The following GOPC variants were observed in gnomAD, a reference collection of about 807,000 sequenced individuals.
The protein encoded by GOPC is Golgi-associated PDZ and coiled-coil motif-containing protein.
In GOPC, 32 loss-of-function variants were observed where a neutral mutation model predicts 51.2. The ratio of observed to expected loss-of-function variants is 0.63; its 90% CI spans 0.47 to 0.84. GOPC has a LOEUF of 0.84. GOPC is among the 40% of genes least tolerant of loss of function. The probability of loss-of-function intolerance (pLI) is 0.00; values close to 1 mark genes in which losing one functional copy is unlikely to be tolerated. For synonymous variants in GOPC, 190 were observed against 205.1 expected (o/e 0.93, Z 0.63); for missense variants, 441 against 555.5 (o/e 0.79, Z 2.07).
intron 4 of GOPC, among the ~76,000 whole-genome samples, chr6:117,574,536 G>C (rs187347814): frequency 2.1e-3 from 314 of 152,268 alleles, no homozygotes; most frequent in Non-Finnish European, 3.5e-3. Context: ...CCTTATGGAA[G>C]TTCTGCTATG....
chr6:117,591,681 T>G (rs1210668616), intron 1 of GOPC, among the ~76,000 whole-genome samples: 1 of 152,058 alleles, frequency 6.6e-6, no homozygotes, highest in Non-Finnish European at 1.5e-5. Context: ...CAAGGCCTAT[T>G]TACAGAACTG....
chr6:117,566,054 T>C (rs1779690444), intron 8 of GOPC, among the ~76,000 whole-genome samples: 1 of 152,204 alleles, frequency 6.6e-6, no homozygotes, highest in Admixed American at 6.5e-5. Flanking sequence ...GCAAAATTGG[T>C]ATCTTCTTCT....
Position 117,573,122 on chromosome 6 carries a change from A to G in GOPC, c.816+345T>C, listed in dbSNP as rs184035901. On this transcript the variant is annotated intron_variant, in intron 5 of 8. Transcript: ENST00000368498. Reference sequence around the variant, plus strand: ...AAGAACTACCCCAAAATATCTGCCAAATTATCAATATGACCACACACTCTA... The same window carrying G: ...AAGAACTACCCCAAAATATCTGCCAGATTATCAATATGACCACACACTCTA... 4.7e-4 allele frequency among the ~76,000 whole-genome samples: 72 copies of G among 152,328 alleles called. 1 individual carries two copies. Among genetic ancestry groups the G allele is most frequent in the Non-Finnish European group, 9.4e-4 (64 of 68,030 alleles).
chr6:117,598,633 T>C (rs924251420), intron 1 of GOPC, among the ~76,000 whole-genome samples: 19 of 152,156 alleles, frequency 1.2e-4, no homozygotes, highest in African/African-American at 4.1e-4. Flanking sequence ...GGAACAGGAT[T>C]TGTGCTACTA....
chr6:117,579,535 AAAGTT>A, intron 1 of GOPC, among the ~76,000 whole-genome samples: 1 of 151,762 alleles, frequency 6.6e-6, no homozygotes, highest in East Asian at 2.0e-4. Context: ...ATTATCTAGT[AAAGTT>A]ATTTTAGGTG....
chr6:117,589,381 G>A (rs1780080998), intron 1 of GOPC, among the ~76,000 whole-genome samples: 1 of 152,220 alleles, frequency 6.6e-6, no homozygotes, highest in African/African-American at 2.4e-5. Context: ...GTGCAATGGT[G>A]CAATCTCGGC....
chr6:117,597,887 G>T (rs1213084529), intron 1 of GOPC, among the ~76,000 whole-genome samples: 1 of 148,960 alleles, frequency 6.7e-6, no homozygotes, highest in African/African-American at 2.5e-5. Flanking sequence ...TTCCACAACA[G>T]ATGAAAAGAT....
At chr6:117,568,815 T>C (rs556612693) in intron 7 of GOPC, among the ~76,000 whole-genome samples, 14 of 152,208 alleles carry the variant, frequency 9.2e-5, no homozygotes, top group Non-Finnish European at 1.9e-4. Flanking sequence ...GAAGTAGTGA[T>C]GTTGCAAAGA....
At chr6:117,595,369 TTGTG>T (rs972535148) in intron 1 of GOPC, among the ~76,000 whole-genome samples, 1 of 152,094 alleles carries the variant, frequency 6.6e-6, no homozygotes, top group Non-Finnish European at 1.5e-5. Context: ...AGGAACTCAG[TTGTG>T]TTTTGTTTTG....
Position 117,586,581 on chromosome 6 carries a change from C to G in GOPC, c.286-7517G>C, listed in dbSNP as rs557255485. Among the ~76,000 whole-genome samples the G allele has an allele frequency of 3.3e-5, 5 of 149,894 alleles. No homozygotes were observed. The East Asian group carries it at 7.9e-4, about 24-fold the overall frequency. On this transcript the variant is annotated intron_variant, in intron 1 of 8. Coordinates refer to ENST00000368498, the MANE Select transcript of GOPC (RefSeq NM_020399.4). ...CTGCAAGCTCCACCTCCCAGGTTCA[C>G]GCCATTCTCTTGCCTCAGCCTCCCA...
In GOPC at chr6:117,562,925, C is replaced by T. The variant is rs1187649549; in HGVS notation, c.*329G>A. The T allele has an allele frequency of 1.1e-5, 3 of 277,846 alleles. No individual in the cohort carries two copies. Among genetic ancestry groups the T allele is most frequent in the African/African-American group, 6.5e-5 (3 of 45,998 alleles). The allele number at this position is 277,846 out of a possible 1,614,324, so 17.2% of individuals were successfully genotyped here. On this transcript the variant is annotated 3_prime_UTR_variant, in exon 9 of 9. Transcript: ENST00000368498. Reference sequence around the variant, plus strand: ...ATAAAATTCCAGTTAGCACTGTCCTCCTACTAAAGGGAAAAGGAACCAAGT... The same window carrying T: ...ATAAAATTCCAGTTAGCACTGTCCTTCTACTAAAGGGAAAAGGAACCAAGT...
intron 1 of GOPC, among the ~76,000 whole-genome samples, chr6:117,599,084 GA>G (rs1274326905): frequency 1.3e-5 from 2 of 151,930 alleles, no homozygotes; most frequent in Admixed American, 1.3e-4. Context: ...AGTAACCTAT[GA>G]TTTTTTTGCA....
intron 2 of GOPC, 46 bp downstream of exon 2, chr6:117,578,854 C>T (rs763489647): frequency 7.3e-7 from 1 of 1,378,220 alleles, no homozygotes; most frequent in Non-Finnish European, 9.8e-7. Flanking sequence ...GTCCTGTACA[C>T]CCTGTAAAAT....
At chr6:117,578,705 A>C (rs2114614562) in intron 2 of GOPC, among the ~76,000 whole-genome samples, 195 bp downstream of exon 2, 1 of 152,206 alleles carries the variant, frequency 6.6e-6, no homozygotes, top group Admixed American at 6.5e-5. Flanking sequence ...CTATCAGTTG[A>C]TTGTTGATAT....
chr6:117,577,411 G>A (rs368306802), intron 3 of GOPC, 37 bp downstream of exon 3: 57 of 1,576,326 alleles, frequency 3.6e-5, no homozygotes, highest in South Asian at 3.4e-4. Flanking sequence ...ACACTTCAGC[G>A]TGACATATTA....
intron 8 of GOPC, among the ~76,000 whole-genome samples, chr6:117,565,877 A>C (rs748979881): frequency 4.6e-5 from 7 of 152,200 alleles, no homozygotes; most frequent in Non-Finnish European, 8.8e-5. Context: ...TGGCTAGTTC[A>C]GTCACTTATG....
chr6:117,569,917 C>A (rs1779773459), intron 6 of GOPC, 181 bp from the exon 7 acceptor site: 1 of 621,242 alleles, frequency 1.6e-6, no homozygotes, highest in Admixed American at 4.4e-5. Context: ...GAGTATTGAA[C>A]AGAAATTGGC....
intron 1 of GOPC, among the ~76,000 whole-genome samples, chr6:117,580,541 A>G (rs922310458): frequency 8.5e-5 from 13 of 152,142 alleles, no homozygotes; most frequent in African/African-American, 3.1e-4. Flanking sequence ...ATGATAAACT[A>G]AAACTGATAT....
rs1463339381 is a variant in GOPC at position 117,562,301 on chromosome 6, A to C, written c.*953T>G. ...CTGGAAATCATTTACTTAGAAAGAA[A>C]ACTGCCGTTTGATTTGAATGTACTG... On this transcript the variant is annotated 3_prime_UTR_variant, in exon 9 of 9. Coordinates refer to ENST00000368498, the MANE Select transcript of GOPC (RefSeq NM_020399.4). The C allele has an allele frequency of 3.4e-5, 7 of 205,050 alleles. No homozygotes were observed. The Admixed American group carries it at 3.6e-4, about 10-fold the overall frequency. The allele number at this position is 205,050 out of a possible 1,614,324, so 12.7% of individuals were successfully genotyped here.
Sources: gnomAD v4.1 joint callset for allele counts (sites outside exome capture counted in the v4.1 genomes callset) on GRCh38, gnomAD v4.1.1 for gene constraint, MANE v1.5 for transcripts, NCBI Gene and HGNC (gene_info 2026-07-23, HGNC 2026-07-21) for gene names.